The following NUP58 variants were observed in gnomAD, a reference collection of about 807,000 sequenced individuals.
NUP58 encodes nucleoporin 58, also known as nucleoporin p58/p45.
Under a neutral mutation model 70.1 loss-of-function variants are expected in NUP58, and 17 were observed. The observed-to-expected ratio is 0.24, with a 90% CI of 0.17 to 0.36. NUP58 has a LOEUF of 0.36. Among genes scored for constraint, NUP58 ranks in the 10% least tolerant of loss-of-function variants. The pLI is 1.00. For missense variants in NUP58, 644 were observed against 701.5 expected (o/e 0.92, Z 0.93); for synonymous variants, 275 against 257.6 (o/e 1.07, Z -0.65).
At chr13:25,312,566 C>G (rs532869485) in intron 3 of NUP58, among the ~76,000 whole-genome samples, 2 of 152,298 alleles carry the variant, frequency 1.3e-5, no homozygotes, top group East Asian at 3.9e-4. Flanking sequence ...CAGGGTTTCA[C>G]CGTGTTGGCC....
At chr13:25,339,893 G>A (rs2031902110) in intron 15 of NUP58, 72 bp from the exon 16 acceptor site, 4 of 1,287,130 alleles carry the variant, frequency 3.1e-6, no homozygotes, top group South Asian at 1.5e-5. Context: ...GAAATTTACT[G>A]CTCCTCCCTG....
downstream of NUP58, among the ~76,000 whole-genome samples, chr13:25,346,898 A>G (rs968559143): frequency 2.6e-5 from 4 of 152,170 alleles, no homozygotes; most frequent in African/African-American, 9.6e-5. Context: ...AACAACATAA[A>G]GGGGTTCAAA....
chr13:25,325,827 T>G (rs1159530052), intron 10 of NUP58, among the ~76,000 whole-genome samples: 1 of 152,210 alleles, frequency 6.6e-6, no homozygotes, highest in Non-Finnish European at 1.5e-5. Context: ...CCTAAAGTGC[T>G]GGGATTACAG....
At chr13:25,346,518 A>G (rs1410184624), downstream of NUP58, among the ~76,000 whole-genome samples, 1 of 152,074 alleles carries the variant, frequency 6.6e-6, no homozygotes, top group East Asian at 1.9e-4. Flanking sequence ...TCGGGAGTTC[A>G]AGACCAACCT....
At chr13:25,313,086 G>A in intron 4 of NUP58, 54 bp downstream of exon 4, 7 of 1,567,792 alleles carry the variant, frequency 4.5e-6, no homozygotes, top group Non-Finnish European at 6.1e-6. Context: ...AATTTTATCT[G>A]GTTAGAGAAC....
intron 1 of NUP58, among the ~76,000 whole-genome samples, chr13:25,302,218 AG>A (rs1439598646): frequency 1.3e-5 from 2 of 152,276 alleles, no homozygotes; most frequent in East Asian, 3.8e-4. Flanking sequence ...TCTTAGGCAT[AG>A]AATGAACATT....
Position 25,301,627 on chromosome 13 carries a change from C to A in NUP58, c.-147C>A. On this transcript the variant is annotated 5_prime_UTR_variant, in exon 1 of 16. Coordinates refer to ENST00000381736, the MANE Select transcript of NUP58 (RefSeq NM_014089.4). ...TTGCGTGGTTGCTCCACCCCCTCAG[C>A]CTTGCCTTCGCCGCCGTTGGGGCTG... The A allele has an allele frequency of 2.2e-6, 1 of 449,740 alleles. No homozygotes were observed. Among genetic ancestry groups the A allele is most frequent in the Non-Finnish European group, 3.9e-6 (1 of 254,136 alleles). The allele number at this position is 449,740 out of a possible 1,614,324, so 27.9% of individuals were successfully genotyped here.
intron 15 of NUP58, 82 bp downstream of exon 15, chr13:25,338,813 T>A: frequency 8.0e-7 from 1 of 1,254,340 alleles, no homozygotes; most frequent in Non-Finnish European, 1.1e-6. Context: ...TTATTTCCAG[T>A]AACCCAAAAA....
chr13:25,339,850 G>A (rs2031900727), intron 15 of NUP58, 115 bp from the exon 16 acceptor site: 2 of 878,430 alleles, frequency 2.3e-6, no homozygotes, highest in Non-Finnish European at 3.5e-6. Context: ...TAATATATTT[G>A]CTATTCTTAC....
chr13:25,337,031 G>A lies in NUP58; in HGVS notation c.1531G>A (p.Gly511Arg). 6.3e-7 allele frequency: 1 copy of A among 1,590,152 alleles called. No individual in the cohort carries two copies. The highest frequency in any genetic ancestry group is 8.6e-7 in the Non-Finnish European group (1 of 1,167,922). ...AAGTGGCTTAGGTTCTTCAAACCTTGGAGGTACACTTTAACTTTTCTAATA... is the reference window on the plus strand; with the variant it reads ...AAGTGGCTTAGGTTCTTCAAACCTTAGAGGTACACTTTAACTTTTCTAATA... Reference protein sequence around the residue: ...QSSGLGSSNLGGFGTSSGFGC... With the variant: ...QSSGLGSSNLRGFGTSSGFGC... Residue 511 changes from glycine (G) to arginine (R), a missense_variant, in exon 14 of 16, where the codon GGA becomes AGA. Coordinates refer to ENST00000381736, the MANE Select transcript of NUP58 (RefSeq NM_014089.4).
chr13:25,340,513 A>G lies in NUP58; in HGVS notation c.*379A>G, dbSNP rs754498055. 6.3e-6 allele frequency: 1 copy of G among 158,202 alleles called. No homozygotes were observed. Among genetic ancestry groups the G allele is most frequent in the Non-Finnish European group, 1.4e-5 (1 of 72,436 alleles). The allele number at this position is 158,202 out of a possible 1,614,324, so 9.8% of individuals were successfully genotyped here. A position where few individuals can be genotyped will look rare whatever the true frequency, so the allele number is the denominator to read the frequency against. On this transcript the variant is annotated 3_prime_UTR_variant, in exon 16 of 16. Transcript: ENST00000381736. The stretch of plus-strand genomic sequence containing the variant: ...ACAGGTGGTGTGAACTCTAGGGCCT[A>G]TACTAGAATCAATTTGTTCCTTGTT...
chr13:25,345,753 A>G (rs2032041795), downstream of NUP58, among the ~76,000 whole-genome samples: 1 of 152,178 alleles, frequency 6.6e-6, no homozygotes, highest in African/African-American at 2.4e-5. Flanking sequence ...ACTTGCTGGT[A>G]CAGATCAACT....
chr13:25,317,358 A>AT (rs2030979870), intron 6 of NUP58, among the ~76,000 whole-genome samples: 1 of 152,158 alleles, frequency 6.6e-6, no homozygotes, highest in African/African-American at 2.4e-5. Flanking sequence ...GTATTTTAAG[A>AT]TTAAGAGCAT....
chr13:25,335,604 A>G (rs1352695216), intron 13 of NUP58: 5 of 983,438 alleles, frequency 5.1e-6, no homozygotes, highest in African/African-American at 1.7e-5. Context: ...TAATAGTAGT[A>G]TAAGAATTCT....
intron 10 of NUP58, among the ~76,000 whole-genome samples, chr13:25,325,735 TA>T (rs2031369874): frequency 6.6e-6 from 1 of 152,172 alleles, no homozygotes; most frequent in African/African-American, 2.4e-5. Flanking sequence ...CCCTCACAAT[TA>T]ATTAATTAAC....
intron 13 of NUP58, chr13:25,336,144 T>G (rs1046096536): frequency 2.3e-6 from 3 of 1,321,998 alleles, no homozygotes; most frequent in Non-Finnish European, 3.0e-6. Flanking sequence ...AATTGAAATC[T>G]TGAATGTATT....
chr13:25,345,480 A>G (rs2032037498), downstream of NUP58, among the ~76,000 whole-genome samples: 2 of 149,012 alleles, frequency 1.3e-5, no homozygotes, highest in Non-Finnish European at 3.0e-5. Flanking sequence ...ATAAAGAAGC[A>G]AGAGCCGGAC....
chr13:25,335,890 A>T, intron 13 of NUP58: 2 of 1,090,936 alleles, frequency 1.8e-6, no homozygotes, highest in South Asian at 4.7e-5. Flanking sequence ...AATACTGAAG[A>T]TTGTACTATG....
chr13:25,308,029 A>G, intron 2 of NUP58, 81 bp downstream of exon 2: 1 of 1,518,118 alleles, frequency 6.6e-7, no homozygotes, highest in African/African-American at 1.4e-5. Context: ...TCTCTTTACA[A>G]GGATCATCAC....
Sources: allele counts gnomAD v4.1 joint callset (sites outside exome capture counted in the v4.1 genomes callset), GRCh38; gene constraint gnomAD v4.1.1; transcripts MANE v1.5; gene names NCBI Gene and HGNC (gene_info 2026-07-23, HGNC 2026-07-21).